The following SMYD1 variants were observed in gnomAD, a reference collection of about 807,000 sequenced individuals.
The protein encoded by SMYD1 is SET and MYND domain containing 1.
SMYD1 carries 49 observed loss-of-function variants against 54.0 expected under a neutral mutation model. That is an observed-to-expected ratio of 0.91 (90% CI 0.72 to 1.15). SMYD1 has a LOEUF of 1.15. Among genes scored for constraint, SMYD1 ranks in the 50% most tolerant of loss-of-function variants. SMYD1 has a pLI of 0.00. For missense variants in SMYD1, 653 were observed against 639.6 expected, an observed-to-expected ratio of 1.02 and a Z score of -0.23; for synonymous variants, 269 against 234.2, an observed-to-expected ratio of 1.15 and a Z score of -1.36.
intron 8 of SMYD1, among the ~76,000 whole-genome samples, chr2:88,107,721 T>C (rs529251656): frequency 6.6e-5 from 10 of 152,302 alleles, no homozygotes; most frequent in Middle Eastern, 3.4e-3. Flanking sequence ...CGAGGCTCCA[T>C]GGGTGTAGGA....
intron 5 of SMYD1, among the ~76,000 whole-genome samples, chr2:88,096,040 A>G (rs893727505): frequency 6.6e-6 from 1 of 152,186 alleles, no homozygotes; most frequent in South Asian, 2.1e-4. Flanking sequence ...ATTTGCCTTC[A>G]GTGATCTCCA....
intron 1 of SMYD1, among the ~76,000 whole-genome samples, chr2:88,081,489 T>C (rs1674191256): frequency 1.3e-5 from 2 of 151,710 alleles, no homozygotes; most frequent in Admixed American, 1.3e-4. Flanking sequence ...CAGGCTGGAT[T>C]GCTGTGGCAC....
chr2:88,088,015 G>GA lies in SMYD1; in HGVS notation c.468_469insA (p.Tyr157IlefsTer22), dbSNP rs1304408708. On this transcript the variant is annotated frameshift_variant, in exon 3 of 10. Coordinates refer to ENST00000419482, the MANE Select transcript of SMYD1 (RefSeq NM_198274.4). LOFTEE classifies it high-confidence loss of function. ...GGGTGGACGTGGACACATTCTTGCA[G>GA]TACTGGCCGCCGCAGAGCCAGCAGT... The GA allele has an allele frequency of 1.2e-6, 2 of 1,614,058 alleles. No individual in the cohort carries two copies. The highest frequency in any genetic ancestry group is 2.7e-5 in the African/African-American group (2 of 74,938).
intron 2 of SMYD1, among the ~76,000 whole-genome samples, chr2:88,086,644 C>T (rs911343520): frequency 4.6e-5 from 7 of 152,172 alleles, no homozygotes; most frequent in Non-Finnish European, 7.3e-5. Context: ...CACTGTTTCC[C>T]GGCCTAGATT....
intron 6 of SMYD1, among the ~76,000 whole-genome samples, chr2:88,102,435 AG>A (rs1294694777): frequency 6.6e-6 from 1 of 152,218 alleles, no homozygotes; most frequent in Non-Finnish European, 1.5e-5. Context: ...TAGATTTCAC[AG>A]GAACAGCTGA....
chr2:88,089,475 G>T (rs1220914537), intron 3 of SMYD1, among the ~76,000 whole-genome samples: 2 of 151,544 alleles, frequency 1.3e-5, no homozygotes, highest in Non-Finnish European at 2.9e-5. Flanking sequence ...TTATAGAACA[G>T]AAAACCTAGG....
At chr2:88,071,729 A>G (rs1673949619) in intron 1 of SMYD1, among the ~76,000 whole-genome samples, 1 of 152,126 alleles carries the variant, frequency 6.6e-6, no homozygotes, top group Non-Finnish European at 1.5e-5. Context: ...TACCGTTACC[A>G]AGGGGTTGCC....
chr2:88,104,974 A>T (rs4972175), intron 7 of SMYD1, among the ~76,000 whole-genome samples: 66,282 of 151,990 alleles, frequency 0.44, 15,444 homozygotes, highest in Non-Finnish European at 0.52. Flanking sequence ...TTCTCTGCTC[A>T]TCCATCTTGA....
chr2:88,105,634 C>G (rs1674846582), intron 7 of SMYD1, among the ~76,000 whole-genome samples: 1 of 151,990 alleles, frequency 6.6e-6, no homozygotes, highest in Non-Finnish European at 1.5e-5. Context: ...ATGATTCTTT[C>G]TTTCTTTTAA....
chr2:88,085,545 A>C (rs1158981201), intron 2 of SMYD1, among the ~76,000 whole-genome samples: 4 of 152,238 alleles, frequency 2.6e-5, no homozygotes, highest in Non-Finnish European at 5.9e-5. Context: ...AGGAACCTGC[A>C]GGATGAAATG....
At chr2:88,091,293 T>A (rs909015914) in intron 4 of SMYD1, 151 bp downstream of exon 4, 23 of 845,070 alleles carry the variant, frequency 2.7e-5, no homozygotes, top group Non-Finnish European at 4.1e-5. Flanking sequence ...TCCAGAATAA[T>A]TGTGAATGAG....
At chr2:88,084,591 T>C (rs1212968704) in intron 2 of SMYD1, 99 bp downstream of exon 2, 1 of 1,204,714 alleles carries the variant, frequency 8.3e-7, no homozygotes. Context: ...CCAAGCTGAG[T>C]GCAAGTCAGG....
intron 7 of SMYD1, 99 bp downstream of exon 7, chr2:88,103,249 G>A (rs1266661537): frequency 3.6e-6 from 3 of 835,076 alleles, no homozygotes; most frequent in South Asian, 1.5e-5. Context: ...GGCGGGGGAG[G>A]GGGGCTACCA....
At chr2:88,070,111 A>C (rs746326594) in intron 1 of SMYD1, among the ~76,000 whole-genome samples, 3 of 100,242 alleles carry the variant, frequency 3.0e-5, no homozygotes, top group Non-Finnish European at 4.0e-5. Context: ...AAAAAAATCT[A>C]AAAGAGATAG....
Position 88,067,966 on chromosome 2 carries a change from T to C in SMYD1, c.102T>C (p.Phe34=). The C allele has an allele frequency of 6.2e-7, 1 of 1,613,888 alleles. No homozygotes were observed. The highest frequency in any genetic ancestry group is 8.5e-7 in the Non-Finnish European group (1 of 1,180,030). The change falls in exon 1 of 10, where the codon TTT becomes TTC. Residue 34 remains phenylalanine (F), a synonymous_variant. Transcript: ENST00000419482. ...TKEFWAADII[F]AERAYSAVVF... The stretch of plus-strand genomic sequence containing the variant: ...AGTTCTGGGCTGCAGATATCATCTT[T>C]GCTGAGCGGGCTTATTCCGCAGTGG...
At chr2:88,087,292 G>A (rs1184499452) in intron 2 of SMYD1, among the ~76,000 whole-genome samples, 2 of 151,986 alleles carry the variant, frequency 1.3e-5, no homozygotes, top group African/African-American at 2.4e-5. Flanking sequence ...CTGATGCAGG[G>A]CTCATCCCAG....
intron 9 of SMYD1, among the ~76,000 whole-genome samples, chr2:88,110,118 C>T (rs1323381435): frequency 3.3e-5 from 5 of 151,938 alleles, no homozygotes; most frequent in African/African-American, 1.2e-4. Flanking sequence ...AGAACGGTTC[C>T]TTCAGCTACT....
Position 88,112,318 on chromosome 2 carries a change from T to C in SMYD1, c.*1806T>C. Reference sequence around the variant, plus strand: ...TCGTAGTCTTTTTTTCCATCCTATCTTTCTAATATTTGTTGTCTTTAACAA... The same window carrying C: ...TCGTAGTCTTTTTTTCCATCCTATCCTTCTAATATTTGTTGTCTTTAACAA... On this transcript the variant is annotated 3_prime_UTR_variant, in exon 10 of 10. Transcript: ENST00000419482. 1 of 601,240 alleles carries C rather than the reference T, an allele frequency of 1.7e-6. No individual in the cohort carries two copies. The highest frequency in any genetic ancestry group is 2.9e-5 in the Admixed American group (1 of 34,750). The allele number at this position is 601,240 out of a possible 1,614,324, so 37.2% of individuals were successfully genotyped here.
rs766648214 is a variant in SMYD1, at chr2:88,067,930, G to A, written c.66G>A (p.Lys22=). 2 of 1,614,058 alleles carry A rather than the reference G, an allele frequency of 1.2e-6. No homozygotes were observed. The highest frequency in any genetic ancestry group is 4.5e-5 in the East Asian group (2 of 44,888). The change falls in exon 1 of 10, where the codon AAG becomes AAA. Residue 22 remains lysine (K), a synonymous_variant. Transcript: ENST00000419482. ...CTGAGGGCAAAGGAAGGGGTCTGAA[G>A]GCCACCAAGGAGTTCTGGGCTGCAG... The part of the protein sequence containing the change: ...FTAEGKGRGL[K]ATKEFWAADI...
Sources: allele counts gnomAD v4.1 joint callset (sites outside exome capture counted in the v4.1 genomes callset), GRCh38; gene constraint gnomAD v4.1.1; transcripts MANE v1.5; gene names NCBI Gene and HGNC (gene_info 2026-07-23, HGNC 2026-07-21).